The following SLC8A1 variants were observed in gnomAD, a reference collection of about 807,000 sequenced individuals.
The protein encoded by SLC8A1 is solute carrier family 8 member A1.
In SLC8A1, 18 loss-of-function variants were observed where a neutral mutation model predicts 68.3. That is an observed-to-expected ratio of 0.26 (90% CI 0.18 to 0.39). SLC8A1 has a LOEUF of 0.39. SLC8A1 is among the 10% of genes least tolerant of loss of function. The pLI is 1.00. For missense variants in SLC8A1, 985 were observed against 1,156.7 expected (o/e 0.85, Z 2.15); for synonymous variants, 475 against 415.5 (o/e 1.14, Z -1.74).
At chr2:40,266,747 A>G (rs2065406026) in intron 2 of SLC8A1, among the ~76,000 whole-genome samples, 1 of 152,182 alleles carries the variant, frequency 6.6e-6, no homozygotes, top group Non-Finnish European at 1.5e-5. Flanking sequence ...GGTATTGGTT[A>G]AACTGTAGGC....
intron 1 of SLC8A1, among the ~76,000 whole-genome samples, chr2:40,486,266 T>C (rs1217100315): frequency 1.3e-5 from 2 of 152,214 alleles, no homozygotes; most frequent in South Asian, 2.1e-4. Flanking sequence ...TTACCTAGTC[T>C]CTGATATGTC....
At chr2:40,282,098 T>C (rs1201503516) in intron 2 of SLC8A1, among the ~76,000 whole-genome samples, 1 of 152,178 alleles carries the variant, frequency 6.6e-6, no homozygotes, top group Non-Finnish European at 1.5e-5. Context: ...CCTCTCCTTC[T>C]AATAACAAAA....
intron 2 of SLC8A1, among the ~76,000 whole-genome samples, chr2:40,283,297 G>A (rs958577943): frequency 1.3e-5 from 2 of 152,200 alleles, no homozygotes; most frequent in African/African-American, 4.8e-5. Flanking sequence ...GTAAGAGCCT[G>A]ATGCTATTAT....
chr2:40,138,902 A>G (rs2041035182), intron 7 of SLC8A1, among the ~76,000 whole-genome samples: 1 of 152,164 alleles, frequency 6.6e-6, no homozygotes, highest in African/African-American at 2.4e-5. Context: ...GTCTTGATCA[A>G]TGCCTACTTT....
chr2:40,394,271 T>TG (rs1686212232), intron 2 of SLC8A1, among the ~76,000 whole-genome samples: 1 of 151,946 alleles, frequency 6.6e-6, no homozygotes, highest in African/African-American at 2.4e-5. Flanking sequence ...TTTTGTGGGG[T>TG]GGGGGGTGAA....
chr2:40,289,355 C>T (rs958390643), intron 2 of SLC8A1, among the ~76,000 whole-genome samples: 1 of 151,978 alleles, frequency 6.6e-6, no homozygotes, highest in Non-Finnish European at 1.5e-5. Flanking sequence ...TCCAACTTCT[C>T]TATTCAGGTT....
rs2034328715 is a variant in SLC8A1 at position 40,108,147 on chromosome 2, A to G, written c.*7106T>C. 2.0e-5 allele frequency: 3 copies of G among 152,332 alleles called. No individual in the cohort carries two copies. The South Asian group carries it at 6.2e-4, about 32-fold the overall frequency. The allele number at this position is 152,332 out of a possible 1,614,324, so 9.4% of individuals were successfully genotyped here. A position where few individuals can be genotyped will look rare whatever the true frequency, so the allele number is the denominator to read the frequency against. ...TCAGCCTTTCATAAATGAAATTGCT[A>G]AACTGTGAAGTTGTAAAATTTAGAA... On this transcript the variant is annotated 3_prime_UTR_variant, in exon 8 of 8. Coordinates refer to ENST00000406785, the Ensembl canonical transcript of SLC8A1.
At chr2:40,350,493 T>G (rs995032073) in intron 2 of SLC8A1, among the ~76,000 whole-genome samples, 6 of 141,662 alleles carry the variant, frequency 4.2e-5, no homozygotes, top group African/African-American at 5.3e-5. Context: ...TAAAAAAATG[T>G]CATTTATCAA....
intron 7 of SLC8A1, among the ~76,000 whole-genome samples, chr2:40,126,948 T>A (rs567165085): frequency 6.6e-6 from 1 of 152,342 alleles, no homozygotes; most frequent in African/African-American, 2.4e-5. Context: ...CGAAAAGAAA[T>A]GCAGAATGGC....
At chr2:40,185,724 A>G (rs1231333753) in intron 2 of SLC8A1, among the ~76,000 whole-genome samples, 4 of 152,212 alleles carry the variant, frequency 2.6e-5, no homozygotes, top group Non-Finnish European at 5.9e-5. Context: ...AACTAATTGT[A>G]TATTTTAAAT....
intron 2 of SLC8A1, among the ~76,000 whole-genome samples, chr2:40,302,096 C>T (rs1364387033): frequency 7.7e-6 from 1 of 129,756 alleles, no homozygotes; most frequent in Non-Finnish European, 1.6e-5. Context: ...GGGGTTTCGC[C>T]GTGATGGCCA....
intron 2 of SLC8A1, among the ~76,000 whole-genome samples, chr2:40,224,158 T>G (rs2058687428): frequency 6.6e-6 from 1 of 152,142 alleles, no homozygotes; most frequent in African/African-American, 2.4e-5. Context: ...TGGATTACTG[T>G]AGCCAATCAC....
chr2:40,191,010 G>T (rs1192483489), intron 2 of SLC8A1, among the ~76,000 whole-genome samples: 1 of 152,072 alleles, frequency 6.6e-6, no homozygotes, highest in Non-Finnish European at 1.5e-5. Context: ...AATTCAAAAG[G>T]GGGTAATTGT....
intron 2 of SLC8A1, among the ~76,000 whole-genome samples, chr2:40,216,125 G>A (rs930097887): frequency 6.6e-6 from 1 of 151,506 alleles, no homozygotes; most frequent in Non-Finnish European, 1.5e-5. Context: ...TGCTGCACCT[G>A]TTGACCCATC....
intron 2 of SLC8A1, among the ~76,000 whole-genome samples, chr2:40,321,425 C>T (rs2075173366): frequency 6.6e-6 from 1 of 152,042 alleles, no homozygotes; most frequent in Non-Finnish European, 1.5e-5. Context: ...TATAAACAGA[C>T]CCGAAGGCTC....
At chr2:40,374,580 A>G (rs1227148344) in intron 2 of SLC8A1, among the ~76,000 whole-genome samples, 1 of 152,064 alleles carries the variant, frequency 6.6e-6, no homozygotes, top group Non-Finnish European at 1.5e-5. Flanking sequence ...GGAAAGAACT[A>G]GGTAAAGAAA....
intron 2 of SLC8A1, among the ~76,000 whole-genome samples, chr2:40,312,947 T>C (rs905895036): frequency 1.3e-5 from 2 of 152,032 alleles, no homozygotes; most frequent in African/African-American, 4.8e-5. Context: ...GGTTTTGAAA[T>C]ACATACACAC....
exon 2 of SLC8A1, chr2:40,428,550 G>T: frequency 6.2e-7 from 1 of 1,613,480 alleles, no homozygotes; most frequent in Non-Finnish European, 8.5e-7. Context: ...CAGTCCCTTC[G>T]ATGGTTTTAT....
intron 2 of SLC8A1, among the ~76,000 whole-genome samples, chr2:40,184,424 A>G (rs560837264): frequency 6.6e-5 from 10 of 152,160 alleles, no homozygotes; most frequent in Non-Finnish European, 1.2e-4. Flanking sequence ...TATAAAATGT[A>G]CTTAAAGTTG....
Sources: allele counts gnomAD v4.1 joint callset (sites outside exome capture counted in the v4.1 genomes callset), GRCh38; gene constraint gnomAD v4.1.1; transcripts MANE v1.5; gene names NCBI Gene and HGNC (gene_info 2026-07-23, HGNC 2026-07-21).